Variants in PPP1R1B observed in about 807,000 individuals in gnomAD.
PPP1R1B encodes the protein protein phosphatase 1 regulatory inhibitor subunit 1B.
PPP1R1B carries 13 observed loss-of-function variants against 28.2 expected under a neutral mutation model. The ratio of observed to expected loss-of-function variants is 0.46; its 90% CI spans 0.30 to 0.73. The LOEUF is 0.73. Among genes scored for constraint, PPP1R1B ranks in the 30% least tolerant of loss-of-function variants. PPP1R1B has a pLI of 0.07. For synonymous variants in PPP1R1B, 102 were observed against 97.5 expected (o/e 1.05, Z -0.27); for missense variants, 236 against 256.7 (o/e 0.92, Z 0.55).
chr17:39,629,096 T>C, intron 1 of PPP1R1B, 74 bp from the exon 2 acceptor site: 1 of 1,462,916 alleles, frequency 6.8e-7, no homozygotes. Flanking sequence ...CAAAGCACTG[T>C]TTGTTCCCTG....
At chr17:39,629,488 C>CT (rs2056860109) in intron 2 of PPP1R1B, 52 bp from the exon 3 acceptor site, 1 of 1,610,644 alleles carries the variant, frequency 6.2e-7, no homozygotes, top group Admixed American at 1.7e-5. Context: ...TCCCTCTTCT[C>CT]TTTTCCTCCT....
chr17:39,633,746 T>A, intron 4 of PPP1R1B, 137 bp from the exon 5 acceptor site: 1 of 1,497,554 alleles, frequency 6.7e-7, no homozygotes, highest in Non-Finnish European at 8.9e-7. Context: ...ACTTTGGCCT[T>A]TGAACTTGGG....
At chr17:39,631,219 A>T (rs1476527802) in intron 4 of PPP1R1B, among the ~76,000 whole-genome samples, 1 of 152,172 alleles carries the variant, frequency 6.6e-6, no homozygotes, top group African/African-American at 2.4e-5. Context: ...TGGGCTACAG[A>T]GTGAGAGCCT....
chr17:39,627,500 A>C (rs779768419), intron 1 of PPP1R1B, 27 bp downstream of exon 1: 15 of 1,416,942 alleles, frequency 1.1e-5, no homozygotes, highest in Non-Finnish European at 1.3e-5. Flanking sequence ...CCACCCCGGC[A>C]GCGTACCCGA....
At chr17:39,630,748 A>AC (rs2144839590) in intron 4 of PPP1R1B, among the ~76,000 whole-genome samples, 1 of 151,648 alleles carries the variant, frequency 6.6e-6, no homozygotes, top group South Asian at 2.1e-4. Context: ...ATACAGTGAG[A>AC]CCCCCATCTC....
At chr17:39,635,459 G>T (rs2056912222) in intron 5 of PPP1R1B, 148 bp from the exon 6 acceptor site, 3 of 1,045,792 alleles carry the variant, frequency 2.9e-6, no homozygotes, top group Non-Finnish European at 4.2e-6. Flanking sequence ...TAGTTGCTGG[G>T]AGAGCTGTTC....
At position 39,629,186 on chromosome 17, in the gene PPP1R1B, C is replaced by T. The variant is rs971270763; in HGVS notation, c.98C>T (p.Pro33Leu). Residue 33 changes from proline to leucine, a missense_variant, in exon 2 of 7, where the codon CCA (proline) becomes CTA (leucine). Physicochemically the swap from Pro to Leu is moderately conservative, Grantham distance 98. Coordinates refer to ENST00000254079, the MANE Select transcript of PPP1R1B (RefSeq NM_032192.4). ...TCTCCTTAGATCCGGCGCAGGAGAC[C>T]AACGCCTGCCATGCTGTTCCGGCTC... ...RQVEMIRRRR[P>L]TPAMLFRLSE... 6.2e-7 allele frequency: 1 copy of T among 1,613,428 alleles called. No homozygotes were observed. The highest frequency in any genetic ancestry group is 8.5e-7 in the Non-Finnish European group (1 of 1,179,876).
At chr17:39,629,319 C>A in intron 2 of PPP1R1B, 89 bp downstream of exon 2, 2 of 1,433,014 alleles carry the variant, frequency 1.4e-6, no homozygotes, top group Non-Finnish European at 2.0e-6. Context: ...GAACAGGAGT[C>A]AAAGCTGGAG....
At position 39,629,176 on chromosome 17, in the gene PPP1R1B, C is replaced by G; in HGVS notation, c.88C>G (p.Arg30Gly). ...CCTCCCTCCATCTCCTTAGATCCGGCGCAGGAGACCAACGCCTGCCATGCT... is the reference window on the plus strand; with the variant it reads ...CCTCCCTCCATCTCCTTAGATCCGGGGCAGGAGACCAACGCCTGCCATGCT... ...LDPRQVEMIR[R>G]RRPTPAMLFR... The change falls in exon 2 of 7, where the codon CGC (arginine) becomes GGC (glycine). Residue 30 changes from arginine (R) to glycine (G), a missense_variant. By Grantham distance (125) the Arg-to-Gly change is moderately radical (BLOSUM62 -2). Transcript: ENST00000254079. The G allele has an allele frequency of 6.2e-7, 1 of 1,613,418 alleles. No individual in the cohort carries two copies. Among genetic ancestry groups the G allele is most frequent in the Non-Finnish European group, 8.5e-7 (1 of 1,179,788 alleles).
chr17:39,628,083 T>A (rs559446235), intron 1 of PPP1R1B, among the ~76,000 whole-genome samples: 2 of 152,160 alleles, frequency 1.3e-5, no homozygotes, highest in East Asian at 3.9e-4. Context: ...TCCCACAGAC[T>A]ACTGAGTCCT....
Position 39,627,337 on chromosome 17 carries a change from A to ACCGC in PPP1R1B, c.-54_-51dup. The ACCGC allele has an allele frequency of 7.7e-7, 1 of 1,302,424 alleles. No individual in the cohort carries two copies. The highest frequency in any genetic ancestry group is 1.1e-6 in the Non-Finnish European group (1 of 927,724). The allele number at this position is 1,302,424 out of a possible 1,614,324, so 80.7% of individuals were successfully genotyped here. A position where few individuals can be genotyped will look rare whatever the true frequency, so the allele number is the denominator to read the frequency against. ...GCCTGCGCGGGGGAGCCCAGCACAGACCGCCGCCGGGACCCCGAGTCGCGC... is the reference window on the plus strand; with the variant it reads ...GCCTGCGCGGGGGAGCCCAGCACAGACCGCCCGCCGCCGGGACCCCGAGTCGCGC... On this transcript the variant is annotated 5_prime_UTR_variant, in exon 1 of 7. Coordinates refer to ENST00000254079, the MANE Select transcript of PPP1R1B (RefSeq NM_032192.4).
intron 2 of PPP1R1B, 128 bp downstream of exon 2, chr17:39,629,358 C>T (rs1597777039): frequency 7.1e-6 from 9 of 1,272,320 alleles, no homozygotes; most frequent in Non-Finnish European, 1.0e-5. Flanking sequence ...TCTGGGAACC[C>T]AACTCTATTG....
At chr17:39,629,879 T>G in intron 3 of PPP1R1B, 93 bp from the exon 4 acceptor site, 1 of 1,276,716 alleles carries the variant, frequency 7.8e-7, no homozygotes, top group Non-Finnish European at 1.1e-6. Flanking sequence ...GCTAAATCAG[T>G]CTGCTTGGGT....
chr17:39,629,545 G>A lies in PPP1R1B; in HGVS notation c.148G>A (p.Glu50Lys). 1 of 1,613,702 alleles carries A rather than the reference G, an allele frequency of 6.2e-7. No homozygotes were observed. The highest frequency in any genetic ancestry group is 8.5e-7 in the Non-Finnish European group (1 of 1,179,956). ...RLSEHSSPEE[E>K]ASPHQRASGE... The stretch of plus-strand genomic sequence containing the variant: ...GCTTTGGTGGCCTTCCTCAGAGGAG[G>A]AAGCCTCCCCCCACCAGGTGAGTTT... The change falls in exon 3 of 7, where the codon GAA becomes AAA. Residue 50 changes from glutamate to lysine, a missense_variant. By Grantham distance (56) the Glu-to-Lys change is moderately conservative. Coordinates refer to ENST00000254079, the MANE Select transcript of PPP1R1B (RefSeq NM_032192.4).
At chr17:39,633,734 CA>C in intron 4 of PPP1R1B, 148 bp from the exon 5 acceptor site, 1 of 1,421,226 alleles carries the variant, frequency 7.0e-7, no homozygotes, top group South Asian at 1.3e-5. Flanking sequence ...GCTGACCTGT[CA>C]ACTTTGGCCT....
chr17:39,629,136 G>A (rs1567847275), intron 1 of PPP1R1B, 34 bp from the exon 2 acceptor site: 6 of 1,602,310 alleles, frequency 3.7e-6, no homozygotes, highest in Non-Finnish European at 5.1e-6. Flanking sequence ...GGCTGCAGGT[G>A]TCCATCCAGT....
chr17:39,628,136 C>T (rs529926720), intron 1 of PPP1R1B, among the ~76,000 whole-genome samples: 2 of 152,160 alleles, frequency 1.3e-5, no homozygotes, highest in African/African-American at 2.4e-5. Flanking sequence ...CAAAGGCTGG[C>T]GGGTGCTGTG....
At chr17:39,631,086 T>C (rs1399265614) in intron 4 of PPP1R1B, among the ~76,000 whole-genome samples, 2 of 147,556 alleles carry the variant, frequency 1.4e-5, no homozygotes. Flanking sequence ...AAAAAAAAAG[T>C]GAGCTAAGCA....
rs562428995 is a variant in PPP1R1B at position 39,635,834 on chromosome 17, A to G, written c.584A>G (p.Gln195Arg). ...CTTTCAGAGCCTGGGGAGGAACCTC[A>G]GCGCCCTTCCCCCTCTGAGCCTGGC... ...PALSEPGEEP[Q>R]RPSPSEPGT is the part of the protein sequence containing the mutation. Residue 195 changes from glutamine (Q) to arginine (R), a missense_variant, in exon 7 of 7, where the codon CAG becomes CGG. Coordinates refer to ENST00000254079, the MANE Select transcript of PPP1R1B (RefSeq NM_032192.4). 3.1e-6 allele frequency: 5 copies of G among 1,613,706 alleles called. No homozygotes were observed. In the African/African-American group the frequency reaches 4.0e-5, roughly 13 times the overall value.
Sources: allele counts gnomAD v4.1 joint callset (sites outside exome capture counted in the v4.1 genomes callset), GRCh38; gene constraint gnomAD v4.1.1; transcripts MANE v1.5; gene names NCBI Gene and HGNC (gene_info 2026-07-23, HGNC 2026-07-21).